The following PTGR3 variants were observed in gnomAD, a reference collection of about 807,000 sequenced individuals.
The protein encoded by PTGR3 is zinc binding alcohol dehydrogenase domain containing 2.
chr18:75,207,411 A>G, the PTGR3 span, among the ~76,000 whole-genome samples: 1 of 152,202 alleles, frequency 6.6e-6, no homozygotes, highest in Non-Finnish European at 1.5e-5. Flanking sequence ...AACTTCTAGC[A>G]AATCACTCAT....
chr18:75,208,613 T>A, the PTGR3 span: 3 of 851,238 alleles, frequency 3.5e-6, no homozygotes, highest in South Asian at 5.9e-5. Context: ...AAAATAACCC[T>A]CAGTTATGAG....
the PTGR3 span, among the ~76,000 whole-genome samples, chr18:75,206,655 A>G: frequency 6.6e-6 from 1 of 152,114 alleles, no homozygotes; most frequent in African/African-American, 2.4e-5. Flanking sequence ...GGAGGCAAAG[A>G]TTCTGTCCCC....
the PTGR3 span, chr18:75,208,469 T>G: frequency 9.9e-7 from 1 of 1,013,964 alleles, no homozygotes; most frequent in Non-Finnish European, 1.2e-6. Context: ...CCCTAAAGAT[T>G]ATGTCAACGC....
chr18:75,200,782 T>C, the PTGR3 span: 1 of 152,192 alleles, frequency 6.6e-6, no homozygotes, highest in African/African-American at 2.4e-5. Flanking sequence ...CCTTATCAGG[T>C]TGATGGTAGA....
chr18:75,208,426 G>A, the PTGR3 span: 2 of 993,434 alleles, frequency 2.0e-6, no homozygotes, highest in Non-Finnish European at 2.4e-6. Flanking sequence ...TTACCTAAAC[G>A]TCGCAGTTTG....
the PTGR3 span, chr18:75,208,966 T>C: frequency 6.3e-7 from 1 of 1,595,502 alleles, no homozygotes; most frequent in East Asian, 2.3e-5. Context: ...TCTGCATGGC[T>C]TGGGGAATGG....
the PTGR3 span, chr18:75,208,425 C>A: frequency 1.0e-6 from 1 of 992,662 alleles, no homozygotes; most frequent in Non-Finnish European, 1.2e-6. Context: ...TTTACCTAAA[C>A]GTCGCAGTTT....
the PTGR3 span, chr18:75,195,901 A>T: frequency 1.3e-5 from 2 of 152,186 alleles, no homozygotes; most frequent in Non-Finnish European, 1.5e-5. Flanking sequence ...GTGACAGAGC[A>T]AGACCCTTTC....
chr18:75,202,174 G>A, the PTGR3 span: 1 of 1,614,120 alleles, frequency 6.2e-7, no homozygotes, highest in South Asian at 1.1e-5. Context: ...AAAGAACCAG[G>A]TGCCATGTAA....
the PTGR3 span, among the ~76,000 whole-genome samples, chr18:75,206,634 T>C: frequency 6.6e-6 from 1 of 152,106 alleles, no homozygotes; most frequent in South Asian, 2.1e-4. Flanking sequence ...TCCAACAGAG[T>C]AGGGAAAGCG....
chr18:75,199,485 A>G, the PTGR3 span: 1 of 152,210 alleles, frequency 6.6e-6, no homozygotes, highest in Non-Finnish European at 1.5e-5. Flanking sequence ...TTTTATTACA[A>G]CATTTTTTCC....
the PTGR3 span, among the ~76,000 whole-genome samples, chr18:75,206,749 A>G: frequency 6.6e-6 from 1 of 152,308 alleles, no homozygotes; most frequent in Non-Finnish European, 1.5e-5. Flanking sequence ...TCATATGGAG[A>G]TACTATTTAT....
At chr18:75,196,969 A>G in the PTGR3 span, 1 of 152,220 alleles carries the variant, frequency 6.6e-6, no homozygotes, top group African/African-American at 2.4e-5. Context: ...CTTCCTGTGA[A>G]TATCAACTAC....
At chr18:75,199,403 T>C in the PTGR3 span, 3 of 152,378 alleles carry the variant, frequency 2.0e-5, no homozygotes, top group African/African-American at 7.2e-5. Context: ...CACACATCTA[T>C]CTGCATAAGA....
At chr18:75,201,500 G>T in the PTGR3 span, 1 of 1,614,120 alleles carries the variant, frequency 6.2e-7, no homozygotes, top group South Asian at 1.1e-5. Context: ...TGACAGCACG[G>T]AATATGGACT....
the PTGR3 span, chr18:75,208,406 C>T: frequency 1.0e-6 from 1 of 989,326 alleles, no homozygotes; most frequent in Non-Finnish European, 1.2e-6. Flanking sequence ...CTCCTTCCTC[C>T]GAAGCACGTT....
the PTGR3 span, chr18:75,209,130 G>C: frequency 7.8e-7 from 1 of 1,278,870 alleles, no homozygotes; most frequent in African/African-American, 1.6e-5. The surrounding 1 kb of genome is among the most constrained non-coding windows in gnomAD (Gnocchi z 4.7). Flanking sequence ...GCTCGGCTCG[G>C]CTGTGCTCTG....
the PTGR3 span, chr18:75,197,325 C>T: frequency 1.3e-5 from 2 of 152,312 alleles, no homozygotes; most frequent in Admixed American, 6.5e-5. Flanking sequence ...CCCCATTCTC[C>T]ATGATGTGCT....
the PTGR3 span, chr18:75,201,395 A>T: frequency 6.3e-7 from 1 of 1,582,506 alleles, no homozygotes. Context: ...TTCTCCCTTG[A>T]TTTATGTCAT....
Sources: allele counts gnomAD v4.1 joint callset (sites outside exome capture counted in the v4.1 genomes callset), GRCh38; gene constraint gnomAD v4.1.1; non-coding constraint Gnocchi (gnomAD v3.1); transcripts MANE v1.5; gene names NCBI Gene and HGNC (gene_info 2026-07-23, HGNC 2026-07-21).